Variants in DHRSX observed in about 807,000 individuals in gnomAD.
DHRSX encodes polyprenol dehydrogenase.
In DHRSX, 31 loss-of-function variants were observed where a neutral mutation model predicts 34.0. That is an observed-to-expected ratio of 0.91 (90% confidence interval 0.69 to 1.23). The LOEUF (loss-of-function observed/expected upper bound fraction) is 1.23, where lower values mean the gene tolerates loss of function less well. Among genes scored for constraint, DHRSX ranks in the 50% most tolerant of loss-of-function variants. The pLI, the probability that DHRSX is intolerant of heterozygous loss-of-function variation, is 0.00. For missense variants in DHRSX, 414 were observed against 428.1 expected, an observed-to-expected ratio of 0.97 and a Z score of 0.29; for synonymous variants, 201 against 183.8, an observed-to-expected ratio of 1.09 and a Z score of -0.76.
At position 2,221,121 on chromosome X, in the gene DHRSX, C is replaced by T. The variant is rs372205535; in HGVS notation, c.913G>A (p.Val305Ile). The part of the protein sequence containing the change: ...YNEKETKSLH[V>I]TYNQKLQQQL... ...TGCTGCAGTTTCTGGTTGTAGGTGA[C>T]GTGGAGGGACTTGGTCTCTTTCTCG... is the stretch of plus-strand genomic sequence containing the variant. Residue 305 changes from valine (V) to isoleucine (I), a missense_variant, in exon 7 of 7, where the codon GTC (valine) becomes ATC (isoleucine). By Grantham distance (29) the Val-to-Ile change is conservative. Coordinates refer to ENST00000334651, the MANE Select transcript of DHRSX (RefSeq NM_145177.3). 105 of 1,613,768 alleles carry T rather than the reference C, an allele frequency of 6.5e-5. No homozygotes were observed. The highest frequency in any genetic ancestry group is 1.5e-4 in the Admixed American group (9 of 59,966).
At chrX:2,334,574 C>T (rs776919279) in intron 3 of DHRSX, 1 of 152,120 alleles carries the variant, frequency 6.6e-6, no homozygotes, top group Non-Finnish European at 1.5e-5. Context: ...CCGCCTCAAC[C>T]TCCCCAGTAG....
intron 5 of DHRSX, among the ~76,000 whole-genome samples, chrX:2,257,422 AC>A (rs1406116641): frequency 6.6e-6 from 1 of 152,212 alleles, no homozygotes; most frequent in Non-Finnish European, 1.5e-5. Flanking sequence ...ACTGCACCTG[AC>A]TGGGAATACC....
rs192878688 is a variant in DHRSX, at chrX:2,499,842, C to G, written c.109+975G>C. Reference sequence around the variant, plus strand: ...GGAAGATCGCTTGAGCCCAGGAGTTCGAGACCAGCCTGAGCAACATAGCAA... The same window carrying G: ...GGAAGATCGCTTGAGCCCAGGAGTTGGAGACCAGCCTGAGCAACATAGCAA... On this transcript the variant is annotated intron_variant, in intron 1 of 6. Coordinates refer to ENST00000334651, the MANE Select transcript of DHRSX (RefSeq NM_145177.3). Among the ~76,000 whole-genome samples the G allele has an allele frequency of 1.6e-3, 241 of 152,104 alleles. 2 individuals carry two copies. Among genetic ancestry groups the G allele is most frequent in the African/African-American group, 5.6e-3 (233 of 41,482 alleles).
intron 3 of DHRSX, among the ~76,000 whole-genome samples, chrX:2,313,460 C>T (rs2042188614): frequency 6.6e-6 from 1 of 151,944 alleles, no homozygotes; most frequent in Admixed American, 6.6e-5. Context: ...CCTCCGCCTC[C>T]CAGGTTCAAG....
intron 4 of DHRSX, among the ~76,000 whole-genome samples, chrX:2,269,687 C>T (rs2041523543): frequency 6.6e-6 from 1 of 152,146 alleles, no homozygotes. Context: ...CAGGCACCCA[C>T]CACCACACGT....
At position 2,287,284 on chromosome X, in the gene DHRSX, AC is replaced by A. The variant is rs774235580; in HGVS notation, c.388+4217del. On this transcript the variant is annotated intron_variant, in intron 4 of 6. Transcript: ENST00000334651. ...ACACTGTAATCCCCATGTGGGAGACACAATAATGGCCCCAAAGATGTCCACA... is the reference window on the plus strand; with the variant it reads ...ACACTGTAATCCCCATGTGGGAGACAAATAATGGCCCCAAAGATGTCCACA... Among the ~76,000 whole-genome samples, 254 of 152,310 alleles carry A rather than the reference AC, an allele frequency of 1.7e-3. 10 individuals are homozygous for A. The South Asian group carries it at 0.051, about 31-fold the overall frequency.
Position 2,317,312 on chromosome X carries a change from C to T in DHRSX, c.287-25709G>A, listed in dbSNP as rs187493367. Among the ~76,000 whole-genome samples, 103 of 137,086 alleles carry T rather than the reference C, an allele frequency of 7.5e-4. 1 individual carries two copies. In the East Asian group the frequency reaches 0.017, roughly 23 times the overall value. 89.9% of individuals were successfully genotyped at this position (137,086 alleles called of 152,430 possible). ...TGTGGCCCAGGCTAGAGTGCAGTGG[C>T]GCAGTCTCAGCTCACTGCAGCCTCC... On this transcript the variant is annotated intron_variant, in intron 3 of 6. Coordinates refer to ENST00000334651, the MANE Select transcript of DHRSX (RefSeq NM_145177.3).
At chrX:2,263,840 C>A (rs188059064) in intron 5 of DHRSX, among the ~76,000 whole-genome samples, 76 of 152,248 alleles carry the variant, frequency 5.0e-4, no homozygotes, top group Non-Finnish European at 8.8e-4. Flanking sequence ...TCAGCTTAAA[C>A]AAACTAAGAT....
intron 5 of DHRSX, among the ~76,000 whole-genome samples, chrX:2,250,546 A>G (rs1257586474): frequency 1.3e-5 from 2 of 152,058 alleles, no homozygotes; most frequent in Non-Finnish European, 2.9e-5. Context: ...CTTTTAGACC[A>G]TGTCATGGCA....
intron 1 of DHRSX, chrX:2,490,749 C>A (rs767259971): frequency 6.3e-7 from 1 of 1,597,414 alleles, no homozygotes; most frequent in Non-Finnish European, 8.5e-7. Context: ...GCCTGCTGGA[C>A]GGCTGCTCAT....
At position 2,297,598 on chromosome X, in the gene DHRSX, A is replaced by C. The variant is rs1201236440; in HGVS notation, c.287-5995T>G. Among the ~76,000 whole-genome samples, 3 of 152,192 alleles carry C rather than the reference A, an allele frequency of 2.0e-5. No individual in the cohort carries two copies. In the East Asian group the frequency reaches 5.8e-4, roughly 29 times the overall value. ...AGGAAATTATCCTGTATTAGCCTAA[A>C]TATAATGACAAAGATTTTTGTTTTT... On this transcript the variant is annotated intron_variant, in intron 3 of 6. Coordinates refer to ENST00000334651, the MANE Select transcript of DHRSX (RefSeq NM_145177.3).
chrX:2,475,581 T>C (rs1017760193), intron 1 of DHRSX, among the ~76,000 whole-genome samples: 4 of 151,594 alleles, frequency 2.6e-5, no homozygotes, highest in Non-Finnish European at 4.4e-5. Context: ...AATGAAGATG[T>C]TCCCTAGGCA....
chrX:2,239,140 T>C (rs3934927), intron 6 of DHRSX, among the ~76,000 whole-genome samples: 3,028 of 152,222 alleles, frequency 0.02, 96 homozygotes, highest in African/African-American at 0.068. Flanking sequence ...CAATGCCCCG[T>C]GGTTATTTTT....
intron 1 of DHRSX, among the ~76,000 whole-genome samples, chrX:2,441,150 G>A (rs1427096580): frequency 6.6e-6 from 1 of 152,182 alleles, no homozygotes; most frequent in African/African-American, 2.4e-5. Flanking sequence ...ACACCTCGGA[G>A]CTTTCCAAAA....
intron 3 of DHRSX, among the ~76,000 whole-genome samples, chrX:2,315,541 G>C (rs1160815721): frequency 6.6e-6 from 1 of 152,106 alleles, no homozygotes; most frequent in Non-Finnish European, 1.5e-5. Flanking sequence ...AGCGAATATA[G>C]ATGCCCATCT....
At chrX:2,350,897 G>A (rs1388680475) in intron 3 of DHRSX, among the ~76,000 whole-genome samples, 1 of 152,154 alleles carries the variant, frequency 6.6e-6, no homozygotes, top group Non-Finnish European at 1.5e-5. Context: ...ATACTATGCA[G>A]CCATAAAAAA....
chrX:2,230,090 T>G (rs1365832871), intron 6 of DHRSX, among the ~76,000 whole-genome samples: 1 of 152,188 alleles, frequency 6.6e-6, no homozygotes, highest in Non-Finnish European at 1.5e-5. Flanking sequence ...TGTGCATGTG[T>G]GTCTATGCAT....
intron 1 of DHRSX, among the ~76,000 whole-genome samples, chrX:2,442,413 T>C (rs2044074714): frequency 2.6e-5 from 4 of 151,536 alleles, no homozygotes; most frequent in Admixed American, 6.6e-5. Flanking sequence ...ATAATATATA[T>C]GATATATGAT....
intron 3 of DHRSX, among the ~76,000 whole-genome samples, chrX:2,369,848 G>C (rs140113933): frequency 0.023 from 3,530 of 152,094 alleles, 142 homozygotes; most frequent in African/African-American, 0.08. Context: ...TCACCATGTT[G>C]GTCAGGCTGG....
Sources: gnomAD v4.1 joint callset for allele counts (sites outside exome capture counted in the v4.1 genomes callset) on GRCh38, gnomAD v4.1.1 for gene constraint, MANE v1.5 for transcripts, NCBI Gene and HGNC (gene_info 2026-07-23, HGNC 2026-07-21) for gene names.